The following CBLB variants were observed in gnomAD, a reference collection of about 807,000 sequenced individuals.
CBLB encodes the protein Cbl proto-oncogene B, also known as E3 ubiquitin-protein ligase CBL-B.
A neutral mutation model predicts 104.9 loss-of-function variants in CBLB; 31 were observed. The observed-to-expected ratio is 0.30, with a 90% CI of 0.22 to 0.40. The LOEUF (loss-of-function observed/expected upper bound fraction) is 0.40. Among genes scored for constraint, CBLB ranks in the 10% least tolerant of loss-of-function variants. CBLB has a pLI of 1.00. For synonymous variants in CBLB, 440 were observed against 422.6 expected, an observed-to-expected ratio of 1.04 and a Z score of -0.51; for missense variants, 1,062 against 1,214.6, an observed-to-expected ratio of 0.87 and a Z score of 1.87.
At chr3:105,852,628 G>C (rs2091087322) in intron 3 of CBLB, among the ~76,000 whole-genome samples, 1 of 152,068 alleles carries the variant, frequency 6.6e-6, no homozygotes, top group African/African-American at 2.4e-5. Context: ...GTAGTGTACA[G>C]TAACAGTCCT....
chr3:105,712,005 C>T (rs2301037), intron 10 of CBLB, among the ~76,000 whole-genome samples: 33,079 of 151,938 alleles, frequency 0.22, 3,721 homozygotes, highest in Admixed American at 0.26. Context: ...AAGTTGCCGA[C>T]AGGTCTCCTT....
intron 12 of CBLB, 76 bp downstream of exon 12, chr3:105,702,018 C>CTA: frequency 6.4e-7 from 1 of 1,559,686 alleles, no homozygotes; most frequent in Non-Finnish European, 8.8e-7. Flanking sequence ...AAAAACACTT[C>CTA]CCAACCTTTT....
intron 5 of CBLB, among the ~76,000 whole-genome samples, chr3:105,748,117 CT>C (rs917614610): frequency 2.0e-4 from 31 of 151,916 alleles, no homozygotes; most frequent in African/African-American, 6.3e-4. Flanking sequence ...TGGAGAGTAA[CT>C]TTTTTTTATT....
At chr3:105,722,031 A>T (rs922126067) in intron 9 of CBLB, among the ~76,000 whole-genome samples, 2 of 151,868 alleles carry the variant, frequency 1.3e-5, no homozygotes, top group African/African-American at 4.8e-5. Flanking sequence ...TGTCTCTATA[A>T]AAAATAAATG....
Position 105,670,216 on chromosome 3 carries a change from G to C in CBLB, c.2689+17C>G. ...ATAACAATAAGGTATTATTGTTACT[G>C]TTACTAGCCAACTCACCTGAACATG... On this transcript the variant is annotated intron_variant, in intron 18 of 18. Transcript: ENST00000394030. 6.2e-7 allele frequency: 1 copy of C among 1,610,616 alleles called. No homozygotes were observed. Among genetic ancestry groups the C allele is most frequent in the Non-Finnish European group, 8.5e-7 (1 of 1,177,044 alleles).
intron 1 of CBLB, among the ~76,000 whole-genome samples, chr3:105,867,948 C>T (rs1489327781): frequency 6.6e-6 from 1 of 151,978 alleles, no homozygotes; most frequent in East Asian, 1.9e-4. Context: ...GAATGTTCTT[C>T]CCCTCCTGCC....
intron 3 of CBLB, among the ~76,000 whole-genome samples, chr3:105,835,354 C>G (rs9841798): frequency 0.11 from 16,188 of 151,978 alleles, 1,017 homozygotes; most frequent in African/African-American, 0.16. Flanking sequence ...AAGGAAATGT[C>G]CAGGGAAGCT....
At chr3:105,719,383 A>C (rs1188130371) in intron 10 of CBLB, among the ~76,000 whole-genome samples, 4 of 152,244 alleles carry the variant, frequency 2.6e-5, no homozygotes, top group African/African-American at 9.6e-5. Context: ...GTTCTCTCTC[A>C]AACTATGATT....
intron 18 of CBLB, 120 bp downstream of exon 18, chr3:105,670,113 A>T: frequency 2.2e-6 from 2 of 913,346 alleles, no homozygotes; most frequent in Non-Finnish European, 3.4e-6. Flanking sequence ...ATGATGATCA[A>T]AATACTTTCT....
At chr3:105,661,392 A>G (rs980969195) in intron 18 of CBLB, among the ~76,000 whole-genome samples, 76 of 152,228 alleles carry the variant, frequency 5.0e-4, no homozygotes, top group African/African-American at 1.7e-3. Flanking sequence ...GCTTTTAATC[A>G]TTTTCAAAAC....
chr3:105,784,157 T>C (rs1234151121), intron 3 of CBLB, among the ~76,000 whole-genome samples: 2 of 152,218 alleles, frequency 1.3e-5, no homozygotes, highest in Non-Finnish European at 2.9e-5. Context: ...TCTTTAGTAT[T>C]GAACTTCTTT....
At chr3:105,738,715 T>TA (rs951605159) in intron 7 of CBLB, among the ~76,000 whole-genome samples, 20 of 151,886 alleles carry the variant, frequency 1.3e-4, no homozygotes, top group Admixed American at 3.9e-4. Flanking sequence ...TATATTTTCT[T>TA]AAAAAAAATC....
In CBLB at chr3:105,761,855, G is replaced by A. The variant is rs551409352; in HGVS notation, c.567-10237C>T. On this transcript the variant is annotated intron_variant, in intron 4 of 18. Transcript: ENST00000394030. ...AGAGAGGAAGATGTGGGAAAGTTTGGAACTTCCTAGACACTTGTTGAATGG... is the reference window on the plus strand; with the variant it reads ...AGAGAGGAAGATGTGGGAAAGTTTGAAACTTCCTAGACACTTGTTGAATGG... Among the ~76,000 whole-genome samples the A allele has an allele frequency of 3.3e-5, 5 of 152,286 alleles. No homozygotes were observed. In the East Asian group the frequency reaches 9.7e-4, roughly 29 times the overall value.
intron 3 of CBLB, among the ~76,000 whole-genome samples, chr3:105,821,664 C>T (rs1225596980): frequency 6.6e-6 from 1 of 152,190 alleles, no homozygotes; most frequent in Non-Finnish European, 1.5e-5. Context: ...AATCATCCAA[C>T]CTATGACCCT....
Position 105,868,893 on chromosome 3 carries a change from G to T in CBLB, c.-172C>A. ...AACCCAGCGCGCAGGCCTCCGAGAC[G>T]TGGAAACGCAACAATTACCGTCAAG... On this transcript the variant is annotated 5_prime_UTR_variant, in exon 1 of 19. Transcript: ENST00000394030. The T allele has an allele frequency of 1.3e-5, 13 of 1,014,966 alleles. No individual in the cohort carries two copies. Among genetic ancestry groups the T allele is most frequent in the Non-Finnish European group, 1.5e-5 (13 of 849,484 alleles). 62.9% of individuals were successfully genotyped at this position (1,014,966 alleles called of 1,614,324 possible).
intron 13 of CBLB, among the ~76,000 whole-genome samples, chr3:105,691,532 A>T (rs566008195): frequency 6.6e-6 from 1 of 152,376 alleles, no homozygotes; most frequent in East Asian, 1.9e-4. Flanking sequence ...ATATGAATTT[A>T]ATAAACAGAA....
chr3:105,853,590 T>G lies in CBLB; in HGVS notation c.243A>C (p.Thr81=), dbSNP rs750374312. ...TCAATATAAGTCGTAAATGCTGATA[T>G]GTATCAGGCAAAATATCAAGTATAT... ...PPYILDILPD[T]YQHLRLILSK... The change falls in exon 3 of 19, where the codon ACA becomes ACC. Residue 81 remains threonine (T), a synonymous_variant. Coordinates refer to ENST00000394030, the MANE Select transcript of CBLB (RefSeq NM_170662.5). 5 of 1,611,686 alleles carry G rather than the reference T, an allele frequency of 3.1e-6. No homozygotes were observed. Among genetic ancestry groups the G allele is most frequent in the South Asian group, 1.1e-5 (1 of 91,046 alleles).
At chr3:105,795,546 C>T (rs546425322) in intron 3 of CBLB, among the ~76,000 whole-genome samples, 1 of 152,270 alleles carries the variant, frequency 6.6e-6, no homozygotes, top group African/African-American at 2.4e-5. Context: ...GAGACTTCTG[C>T]ACCCTTAACA....
At chr3:105,868,195 G>T (rs1055431374) in intron 1 of CBLB, 12 of 1,231,692 alleles carry the variant, frequency 9.7e-6, no homozygotes, top group Middle Eastern at 3.1e-4. Flanking sequence ...GCGGTGAGTC[G>T]TTATTCCCAA....
Sources: allele counts gnomAD v4.1 joint callset (sites outside exome capture counted in the v4.1 genomes callset), GRCh38; gene constraint gnomAD v4.1.1; transcripts MANE v1.5; gene names NCBI Gene and HGNC (gene_info 2026-07-23, HGNC 2026-07-21).